Variants in CASQ2 observed in about 807,000 individuals in gnomAD.
CASQ2 encodes calsequestrin-2.
CASQ2 carries 49 observed loss-of-function variants against 46.5 expected under a neutral mutation model. The observed-to-expected ratio is 1.05, with a 90% CI of 0.84 to 1.34. The LOEUF is 1.34. Among genes scored for constraint, CASQ2 ranks in the 40% most tolerant of loss-of-function variants. The pLI, the probability that CASQ2 is intolerant of heterozygous loss-of-function variation, is 0.00. For missense variants in CASQ2, 486 were observed against 481.3 expected (o/e 1.01, Z -0.09); for synonymous variants, 174 against 168.5 (o/e 1.03, Z -0.25).
At chr1:115,733,674 G>C (rs922210681) in intron 4 of CASQ2, among the ~76,000 whole-genome samples, 3 of 152,132 alleles carry the variant, frequency 2.0e-5, no homozygotes, top group Non-Finnish European at 2.9e-5. Flanking sequence ...TTGGGAAAGA[G>C]ATTTGTCCTC....
At chr1:115,733,332 T>C (rs116463053) in intron 4 of CASQ2, among the ~76,000 whole-genome samples, 1 of 152,300 alleles carries the variant, frequency 6.6e-6, no homozygotes, top group South Asian at 2.1e-4. Context: ...CTTATAATCA[T>C]GCCCTCTAGA....
At chr1:115,723,984 A>G (rs1027632207) in intron 7 of CASQ2, among the ~76,000 whole-genome samples, 1 of 152,256 alleles carries the variant, frequency 6.6e-6, no homozygotes, top group African/African-American at 2.4e-5. Flanking sequence ...ACCTTCAAAC[A>G]TCCAAGTAAG....
At chr1:115,733,479 C>A (rs973191678) in intron 4 of CASQ2, among the ~76,000 whole-genome samples, 3 of 152,148 alleles carry the variant, frequency 2.0e-5, no homozygotes, top group African/African-American at 7.2e-5. Flanking sequence ...TTGCTGAATT[C>A]TAGTTTTCTT....
At chr1:115,757,825 A>T (rs1258794129) in intron 1 of CASQ2, among the ~76,000 whole-genome samples, 1 of 152,218 alleles carries the variant, frequency 6.6e-6, no homozygotes, top group African/African-American at 2.4e-5. Flanking sequence ...TACTTTAAAA[A>T]ATTTAACTCA....
chr1:115,725,690 C>T, intron 6 of CASQ2, 137 bp from the exon 7 acceptor site: 2 of 1,109,638 alleles, frequency 1.8e-6, no homozygotes, highest in Non-Finnish European at 2.6e-6. Flanking sequence ...GCCCTAAAAA[C>T]CCACTTATCT....
At chr1:115,731,567 A>C (rs535381477) in intron 5 of CASQ2, among the ~76,000 whole-genome samples, 35 of 152,234 alleles carry the variant, frequency 2.3e-4, no homozygotes, top group Admixed American at 9.2e-4. Context: ...ATAGCTGGCT[A>C]ACTATTACTG....
At chr1:115,707,036 C>CTTT (rs11407551) in intron 8 of CASQ2, among the ~76,000 whole-genome samples, 3 of 143,580 alleles carry the variant, frequency 2.1e-5, no homozygotes, top group African/African-American at 5.1e-5. Context: ...GAAATAGTTC[C>CTTT]TTTTTTTTTT....
chr1:115,744,820 A>C lies in CASQ2; in HGVS notation c.319+8T>G. 1 of 1,601,994 alleles carries C rather than the reference A, an allele frequency of 6.2e-7. No homozygotes were observed. The highest frequency in any genetic ancestry group is 2.2e-5 in the East Asian group (1 of 44,804). On this transcript the variant is annotated splice_region_variant and intron_variant, in intron 2 of 10. Transcript: ENST00000261448. ...TCCCACATACAGTATCTCAAAAATC[A>C]CACTTACCCAGTTTCTTGGCAAGCT...
intron 1 of CASQ2, among the ~76,000 whole-genome samples, chr1:115,760,254 A>G (rs1648892130): frequency 6.6e-6 from 1 of 152,212 alleles, no homozygotes; most frequent in Admixed American, 6.5e-5. Flanking sequence ...AACTTTCCCA[A>G]CCCAATAGAC....
chr1:115,762,660 G>A (rs1217740391), intron 1 of CASQ2, among the ~76,000 whole-genome samples: 1 of 152,160 alleles, frequency 6.6e-6, no homozygotes, highest in Admixed American at 6.5e-5. Flanking sequence ...TTCTATAGAC[G>A]ATTTAAGTGG....
chr1:115,761,528 A>AGAAGAAGAAGAGGAAGAAG (rs1553197305), intron 1 of CASQ2, among the ~76,000 whole-genome samples: 2 of 78,726 alleles, frequency 2.5e-5, no homozygotes, highest in African/African-American at 9.1e-5. Context: ...AAGAAGAAGA[A>AGAAGAAGAAGAGGAAGAAG]GAGTTCATAA....
intron 1 of CASQ2, among the ~76,000 whole-genome samples, chr1:115,758,499 G>C (rs1648834949): frequency 6.6e-6 from 1 of 152,208 alleles, no homozygotes; most frequent in Non-Finnish European, 1.5e-5. Context: ...TATAGCAGGT[G>C]CTGTAGTTTG....
chr1:115,748,653 T>C (rs1648470152), intron 1 of CASQ2, among the ~76,000 whole-genome samples: 1 of 152,180 alleles, frequency 6.6e-6, no homozygotes, highest in Non-Finnish European at 1.5e-5. Context: ...AGACCAACCT[T>C]TCTGCAAGTC....
intron 1 of CASQ2, among the ~76,000 whole-genome samples, chr1:115,767,680 G>A (rs950632485): frequency 5.9e-5 from 9 of 152,116 alleles, no homozygotes; most frequent in Admixed American, 3.9e-4. Context: ...CATGTAATGC[G>A]GATAAAATAA....
At chr1:115,743,290 C>T (rs1285630997) in intron 2 of CASQ2, among the ~76,000 whole-genome samples, 1 of 151,950 alleles carries the variant, frequency 6.6e-6, no homozygotes, top group African/African-American at 2.4e-5. Flanking sequence ...GGCTGTAGTG[C>T]AGTGGCACAA....
chr1:115,745,531 A>G lies in CASQ2; in HGVS notation c.235-619T>C, dbSNP rs543283082. Among the ~76,000 whole-genome samples the G allele has an allele frequency of 8.5e-5, 13 of 152,218 alleles. No individual in the cohort carries two copies. In the South Asian group the frequency reaches 2.7e-3, roughly 32 times the overall value. On this transcript the variant is annotated intron_variant, in intron 1 of 10. Transcript: ENST00000261448. ...GCAGCAGTGTCCTAGATGGACAGAT[A>G]GCTGAAAACTTCTCTGGGTAGACAC...
At position 115,701,099 on chromosome 1, in the gene CASQ2, G is replaced by A. The variant is rs994513221; in HGVS notation, c.*142C>T. The A allele has an allele frequency of 3.8e-5, 49 of 1,287,044 alleles. No individual in the cohort carries two copies. The highest frequency in any genetic ancestry group is 5.1e-5 in the Admixed American group (3 of 59,394). The allele number at this position is 1,287,044 out of a possible 1,614,324, so 79.7% of individuals were successfully genotyped here. On this transcript the variant is annotated 3_prime_UTR_variant, in exon 11 of 11. Coordinates refer to ENST00000261448, the MANE Select transcript of CASQ2 (RefSeq NM_001232.4). ...TTTGCTGAATGATGCTGCTCCTGAC[G>A]CAAAGGGAGTGGGAAAAGAGATGAT... is the stretch of plus-strand genomic sequence containing the variant.
In CASQ2 at chr1:115,703,050, G is replaced by A. The variant is rs1236928623; in HGVS notation, c.940-55C>T. The A allele has an allele frequency of 2.9e-6, 4 of 1,386,542 alleles. No homozygotes were observed. In the East Asian group the frequency reaches 9.3e-5, roughly 32 times the overall value. 85.9% of individuals were successfully genotyped at this position (1,386,542 alleles called of 1,614,324 possible). ...GCAGGCAGAGGGCATTCTCTGTTAA[G>A]GACCCACCCGCCGTCCCATCACAGT... On this transcript the variant is annotated intron_variant, in intron 9 of 10. Transcript: ENST00000261448.
intron 8 of CASQ2, among the ~76,000 whole-genome samples, chr1:115,712,654 G>A (rs1359936363): frequency 6.6e-6 from 1 of 152,128 alleles, no homozygotes; most frequent in Admixed American, 6.5e-5. Flanking sequence ...GCCAGGCACA[G>A]TGGCTCACAC....
Sources: allele counts gnomAD v4.1 joint callset (sites outside exome capture counted in the v4.1 genomes callset), GRCh38; gene constraint gnomAD v4.1.1; transcripts MANE v1.5; gene names NCBI Gene and HGNC (gene_info 2026-07-23, HGNC 2026-07-21).